SNX10: variants seen among roughly 807,000 people sequenced by gnomAD.
SNX10 encodes sorting nexin 10, also known as sorting nexin-10.
In SNX10, 25 loss-of-function variants were observed where a neutral mutation model predicts 28.5. The ratio of observed to expected loss-of-function variants is 0.88; its 90% CI spans 0.64 to 1.22. The LOEUF (loss-of-function observed/expected upper bound fraction) is 1.22, where lower values mean the gene tolerates loss of function less well. SNX10 is among the 50% of genes most tolerant of loss of function. The pLI is 0.00. For synonymous variants in SNX10, 62 were observed against 81.4 expected, an observed-to-expected ratio of 0.76 and a Z score of 1.28; for missense variants, 223 against 242.6, an observed-to-expected ratio of 0.92 and a Z score of 0.54.
At chr7:26,320,609 T>A (rs1177792507) in intron 1 of SNX10, among the ~76,000 whole-genome samples, 1 of 151,914 alleles carries the variant, frequency 6.6e-6, no homozygotes, top group Non-Finnish European at 1.5e-5. Context: ...ATTTTTGTAT[T>A]TTTACTAGAG....
chr7:26,333,584 A>G (rs1787821265), intron 1 of SNX10, among the ~76,000 whole-genome samples: 1 of 151,506 alleles, frequency 6.6e-6, no homozygotes, highest in Non-Finnish European at 1.5e-5. Context: ...TCGGCCTCCC[A>G]AAGTGCTGGG....
At chr7:26,313,002 C>G (rs1786911122) in intron 1 of SNX10, among the ~76,000 whole-genome samples, 1 of 152,178 alleles carries the variant, frequency 6.6e-6, no homozygotes, top group African/African-American at 2.4e-5. Flanking sequence ...CTTGATGATT[C>G]AGATGATATG....
intron 1 of SNX10, among the ~76,000 whole-genome samples, chr7:26,305,227 G>T (rs1427392193): frequency 6.6e-6 from 1 of 152,050 alleles, no homozygotes; most frequent in Non-Finnish European, 1.5e-5. Flanking sequence ...ACTTGTCCGT[G>T]AGCTCCAGTC....
intron 2 of SNX10, among the ~76,000 whole-genome samples, chr7:26,358,806 T>G (rs867147269): frequency 7.6e-5 from 4 of 52,604 alleles, no homozygotes; most frequent in Non-Finnish European, 9.4e-5. Context: ...TTATCTTGTG[T>G]TTTTTTTTTT....
intron 1 of SNX10, among the ~76,000 whole-genome samples, chr7:26,338,469 A>G (rs982889327): frequency 6.6e-6 from 1 of 151,672 alleles, no homozygotes; most frequent in Non-Finnish European, 1.5e-5. Context: ...TCTGTTGCCC[A>G]GGCCTGGAGT....
intron 1 of SNX10, among the ~76,000 whole-genome samples, chr7:26,336,907 TG>T (rs560796664): frequency 6.4e-4 from 98 of 152,372 alleles, no homozygotes; most frequent in African/African-American, 2.2e-3. Flanking sequence ...CATTCTTTCC[TG>T]TACAAATATT....
At chr7:26,333,348 A>G in intron 1 of SNX10, among the ~76,000 whole-genome samples, 1 of 134,656 alleles carries the variant, frequency 7.4e-6, no homozygotes, top group East Asian at 2.1e-4. Flanking sequence ...TTTTTGAGAC[A>G]GAGTCTGGCT....
At chr7:26,294,819 A>G (rs749284939) in intron 1 of SNX10, among the ~76,000 whole-genome samples, 2 of 152,092 alleles carry the variant, frequency 1.3e-5, no homozygotes, top group Non-Finnish European at 2.9e-5. Flanking sequence ...TTCTTTTTAC[A>G]GATGTGGAAA....
At chr7:26,310,884 C>T (rs944308778) in intron 1 of SNX10, among the ~76,000 whole-genome samples, 4 of 151,934 alleles carry the variant, frequency 2.6e-5, no homozygotes, top group Non-Finnish European at 5.9e-5. Flanking sequence ...GGCGTTTCAC[C>T]GTGTTAGCCA....
chr7:26,349,343 A>ATTTT (rs35282662), intron 2 of SNX10, among the ~76,000 whole-genome samples: 1 of 146,632 alleles, frequency 6.8e-6, no homozygotes, highest in South Asian at 2.2e-4. Context: ...AAATTTAGTA[A>ATTTT]TTTTTTTTTT....
At chr7:26,317,892 A>G (rs968493125) in intron 1 of SNX10, among the ~76,000 whole-genome samples, 4 of 151,986 alleles carry the variant, frequency 2.6e-5, no homozygotes, top group African/African-American at 9.7e-5. Context: ...TGAACTCCTG[A>G]CTTCATAATC....
At chr7:26,340,693 A>C (rs569583462) in intron 1 of SNX10, among the ~76,000 whole-genome samples, 2 of 152,288 alleles carry the variant, frequency 1.3e-5, no homozygotes, top group African/African-American at 4.8e-5. Context: ...GCCTGTGTGT[A>C]TCCAGCTGTA....
Position 26,357,794 on chromosome 7 carries a change from G to A in SNX10, c.25-3181G>A, listed in dbSNP as rs546229460. On this transcript the variant is annotated intron_variant, in intron 2 of 6. Coordinates refer to ENST00000338523, the MANE Select transcript of SNX10 (RefSeq NM_013322.3). ...TCTAGGAGAACTGGGTTTCTAGCTG[G>A]GGTTGGTGGGAGATGCTCTTCACTG... is the stretch of plus-strand genomic sequence containing the variant. Among the ~76,000 whole-genome samples the A allele has an allele frequency of 6.6e-5, 10 of 152,178 alleles. No homozygotes were observed. The South Asian group carries it at 2.1e-3, about 32-fold the overall frequency.
At chr7:26,341,078 G>A (rs1336940742) in intron 1 of SNX10, among the ~76,000 whole-genome samples, 1 of 152,118 alleles carries the variant, frequency 6.6e-6, no homozygotes, top group Non-Finnish European at 1.5e-5. Context: ...CAGGAGGATG[G>A]CTTGAGGCCA....
intron 3 of SNX10, among the ~76,000 whole-genome samples, chr7:26,363,168 G>A (rs1789152438): frequency 6.6e-6 from 1 of 152,190 alleles, no homozygotes; most frequent in African/African-American, 2.4e-5. Flanking sequence ...CCCACAGGAT[G>A]TTATTTGCCA....
rs1482151638 is a variant in SNX10, at chr7:26,319,937, A to G, written c.-23-26483A>G. On this transcript the variant is annotated intron_variant, in intron 1 of 6. Coordinates refer to ENST00000338523, the MANE Select transcript of SNX10 (RefSeq NM_013322.3). The stretch of plus-strand genomic sequence containing the variant: ...TTCTTTATTTTATATATCTATATGT[A>G]TATATATGTTACTTGTATTTATATA... Among the ~76,000 whole-genome samples, 7 of 151,568 alleles carry G rather than the reference A, an allele frequency of 4.6e-5. No individual in the cohort carries two copies. The East Asian group carries it at 1.4e-3, about 29-fold the overall frequency.
In SNX10 at chr7:26,373,379, C is replaced by T. The variant is rs1275857355; in HGVS notation, c.*807C>T. The T allele has an allele frequency of 3.3e-5, 5 of 151,948 alleles. No homozygotes were observed. The highest frequency in any genetic ancestry group is 7.4e-5 in the Non-Finnish European group (5 of 67,888). The allele number at this position is 151,948 out of a possible 1,614,324, so 9.4% of individuals were successfully genotyped here. A position where few individuals can be genotyped will look rare whatever the true frequency, so the allele number is the denominator to read the frequency against. On this transcript the variant is annotated 3_prime_UTR_variant, in exon 7 of 7. Transcript: ENST00000338523. This position sits in a 1 kb window ranked among gnomAD's most constrained non-coding sequence, Gnocchi z 4.2. ...TTTGACTAAATGTGCAATTTCTTAT[C>T]ACTAGATAACTTTCAGTATCAGTGG...
chr7:26,320,452 G>T (rs750295457), intron 1 of SNX10, among the ~76,000 whole-genome samples: 88 of 151,228 alleles, frequency 5.8e-4, no homozygotes, highest in Non-Finnish European at 9.9e-4. Context: ...TATTTTTTGA[G>T]ATGGAGTCTC....
At chr7:26,341,206 G>C (rs1382932455) in intron 1 of SNX10, among the ~76,000 whole-genome samples, 4 of 152,106 alleles carry the variant, frequency 2.6e-5, no homozygotes, top group African/African-American at 9.7e-5. Context: ...GGCTGAGGTG[G>C]GAGGATCACT....
Sources: allele counts gnomAD v4.1 joint callset (sites outside exome capture counted in the v4.1 genomes callset), GRCh38; gene constraint gnomAD v4.1.1; non-coding constraint Gnocchi (gnomAD v3.1); transcripts MANE v1.5; gene names NCBI Gene and HGNC (gene_info 2026-07-23, HGNC 2026-07-21).